CD96: variants seen among roughly 807,000 people sequenced by gnomAD.
CD96 encodes the protein T-cell surface protein tactile.
In CD96, 70 loss-of-function variants were observed where a neutral mutation model predicts 71.3. The observed-to-expected ratio is 0.98, with a 90% CI of 0.81 to 1.20. The LOEUF is 1.20. CD96 is among the 50% of genes most tolerant of loss of function. The probability of loss-of-function intolerance (pLI) is 0.00; values close to 1 mark genes in which losing one functional copy is unlikely to be tolerated. For synonymous variants in CD96, 248 were observed against 233.0 expected (o/e 1.06, Z -0.59); for missense variants, 742 against 677.5 (o/e 1.10, Z -1.06).
chr3:111,579,425 C>G (rs1936369973), intron 4 of CD96, 191 bp downstream of exon 4: 1 of 667,602 alleles, frequency 1.5e-6, no homozygotes, highest in Non-Finnish European at 2.8e-6. Flanking sequence ...AATGATGATT[C>G]TGTTAACAGA....
chr3:111,563,581 A>G (rs1459931598), intron 2 of CD96, among the ~76,000 whole-genome samples: 2 of 151,696 alleles, frequency 1.3e-5, no homozygotes, highest in African/African-American at 4.9e-5. Context: ...ACGGCCCTAA[A>G]ATTGTTGTTG....
chr3:111,654,073 G>A (rs187733789), downstream of CD96, among the ~76,000 whole-genome samples: 7 of 152,292 alleles, frequency 4.6e-5, no homozygotes, highest in East Asian at 1.2e-3. Context: ...TTGGCACCCA[G>A]ACTTAGGAGG....
At chr3:111,626,968 T>G (rs1938800260) in intron 10 of CD96, among the ~76,000 whole-genome samples, 1 of 152,154 alleles carries the variant, frequency 6.6e-6, no homozygotes, top group Non-Finnish European at 1.5e-5. Context: ...AGCATTTGCT[T>G]TTGATGGAGA....
At chr3:111,658,012 C>T (rs577026436) in intron 14 of CD96, among the ~76,000 whole-genome samples, 3 of 152,274 alleles carry the variant, frequency 2.0e-5, no homozygotes, top group East Asian at 1.9e-4. Context: ...AAAGATATCC[C>T]GGTAGCAAAG....
intron 6 of CD96, among the ~76,000 whole-genome samples, chr3:111,599,236 G>A (rs867434481): frequency 7.9e-5 from 12 of 152,038 alleles, no homozygotes; most frequent in African/African-American, 2.9e-4. Flanking sequence ...CCAAAGTACT[G>A]GGATTACAGG....
At chr3:111,549,604 G>A (rs1202170745) in intron 2 of CD96, among the ~76,000 whole-genome samples, 3 of 152,120 alleles carry the variant, frequency 2.0e-5, no homozygotes, top group African/African-American at 7.2e-5. Flanking sequence ...AAGTACAGTG[G>A]CAATGAACTA....
intron 6 of CD96, among the ~76,000 whole-genome samples, chr3:111,600,001 T>C (rs1201824590): frequency 6.6e-6 from 1 of 152,262 alleles, no homozygotes; most frequent in Non-Finnish European, 1.5e-5. Context: ...GAGGTTGTAC[T>C]AACATAACAG....
At chr3:111,624,209 G>T in intron 9 of CD96, 124 bp from the exon 10 acceptor site, 1 of 744,104 alleles carries the variant, frequency 1.3e-6, no homozygotes, top group East Asian at 2.6e-5. Flanking sequence ...TCCTGCATAG[G>T]GAAGCACATT....
At chr3:111,599,333 T>C (rs547413213) in intron 6 of CD96, among the ~76,000 whole-genome samples, 125 of 152,322 alleles carry the variant, frequency 8.2e-4, no homozygotes, top group African/African-American at 3.0e-3. Context: ...GATCACTTGA[T>C]GCATTTTGAG....
chr3:111,551,181 A>G (rs58726643), intron 2 of CD96, among the ~76,000 whole-genome samples: 18,055 of 152,082 alleles, frequency 0.12, 1,148 homozygotes, highest in Non-Finnish European at 0.13. Context: ...AGATGTTTGT[A>G]GGTCTGAATT....
chr3:111,596,096 A>T (rs1469884232), intron 5 of CD96, among the ~76,000 whole-genome samples: 1 of 152,106 alleles, frequency 6.6e-6, no homozygotes, highest in Non-Finnish European at 1.5e-5. Context: ...CGGGAGGTGG[A>T]GGTTGCAGTA....
chr3:111,562,097 C>T (rs905118424), intron 2 of CD96, among the ~76,000 whole-genome samples: 20 of 152,228 alleles, frequency 1.3e-4, no homozygotes, highest in Non-Finnish European at 2.4e-4. Context: ...CACTGGCCTG[C>T]GCCCACTGTC....
chr3:111,636,075 A>G (rs1939312409), intron 10 of CD96, among the ~76,000 whole-genome samples: 1 of 152,258 alleles, frequency 6.6e-6, no homozygotes, highest in African/African-American at 2.4e-5. Context: ...AATATGCAGT[A>G]TCAGAGAGTT....
chr3:111,626,934 A>G (rs1938798389), intron 10 of CD96, among the ~76,000 whole-genome samples: 1 of 152,232 alleles, frequency 6.6e-6, no homozygotes, highest in South Asian at 2.1e-4. Context: ...TTATAAGTGA[A>G]TAATAATTAT....
Position 111,600,836 on chromosome 3 carries a change from A to G in CD96, c.1009A>G (p.Ile337Val). ...NKPAQSDNLT[I>V]WCMALSPVPG... ...ACCAGCCCAATCAGACAACTTGACCATTTGGTGTATGGCTCTGTCTCCAGT... is the reference window on the plus strand; with the variant it reads ...ACCAGCCCAATCAGACAACTTGACCGTTTGGTGTATGGCTCTGTCTCCAGT... Residue 337 changes from isoleucine to valine, a missense_variant, in exon 7 of 14, where the codon ATT becomes GTT. Ile to Val is a conservative substitution (Grantham distance 29). Coordinates refer to ENST00000352690, the MANE Select transcript of CD96 (RefSeq NM_005816.5). The G allele has an allele frequency of 1.2e-6, 2 of 1,613,044 alleles. No individual in the cohort carries two copies.
At chr3:111,563,307 C>T (rs879303352) in intron 2 of CD96, among the ~76,000 whole-genome samples, 29 of 152,222 alleles carry the variant, frequency 1.9e-4, no homozygotes, top group East Asian at 1.2e-3. Context: ...TAGGCACCTA[C>T]GAAGTTTGCT....
At chr3:111,608,400 A>G (rs1202429584) in intron 8 of CD96, among the ~76,000 whole-genome samples, 2 of 152,258 alleles carry the variant, frequency 1.3e-5, no homozygotes, top group East Asian at 1.9e-4. Flanking sequence ...GATGAGAATT[A>G]GGCTCCAAGT....
At chr3:111,590,377 A>G (rs1464061) in intron 5 of CD96, among the ~76,000 whole-genome samples, 63,391 of 152,134 alleles carry the variant, frequency 0.42, 14,781 homozygotes, top group South Asian at 0.52. Flanking sequence ...CTTGAAGTCA[A>G]CATGCACACA....
chr3:111,649,237 G>GTTATCA (rs1187911001), intron 13 of CD96, among the ~76,000 whole-genome samples: 6 of 152,200 alleles, frequency 3.9e-5, no homozygotes, highest in Middle Eastern at 3.2e-3. Context: ...CAGTTGTCAT[G>GTTATCA]GAGAGTATCA....
Sources: gnomAD v4.1 joint callset for allele counts (sites outside exome capture counted in the v4.1 genomes callset) on GRCh38, gnomAD v4.1.1 for gene constraint, MANE v1.5 for transcripts, NCBI Gene and HGNC (gene_info 2026-07-23, HGNC 2026-07-21) for gene names.